Variants in TAS2R1 observed in about 807,000 individuals in gnomAD.
The protein encoded by TAS2R1 is taste receptor type 2 member 1.
For missense variants in TAS2R1, 370 were observed against 353.4 expected, an observed-to-expected ratio of 1.05 and a Z score of -0.38; for synonymous variants, 141 against 134.2, an observed-to-expected ratio of 1.05 and a Z score of -0.35.
At chr5:9,739,043 A>C in the TAS2R1 span, among the ~76,000 whole-genome samples, 62 of 152,310 alleles carry the variant, frequency 4.1e-4, no homozygotes, top group South Asian at 0.012. Flanking sequence ...GTACCTGCCT[A>C]TTTCTAGAAA....
intron 1 of TAS2R1, among the ~76,000 whole-genome samples, chr5:9,680,809 T>A (rs985392537): frequency 6.6e-6 from 1 of 152,120 alleles, no homozygotes; most frequent in Non-Finnish European, 1.5e-5. Context: ...TCTTAGCACT[T>A]TGGGAGGCCA....
At chr5:9,836,269 C>A in the TAS2R1 span, among the ~76,000 whole-genome samples, 6 of 152,054 alleles carry the variant, frequency 3.9e-5, no homozygotes, top group Non-Finnish European at 8.8e-5. Context: ...TATGTCTTTA[C>A]CAGCAGCATG....
At chr5:9,636,861 G>C (rs1455673274) in intron 2 of TAS2R1, among the ~76,000 whole-genome samples, 2 of 152,048 alleles carry the variant, frequency 1.3e-5, no homozygotes, top group Non-Finnish European at 2.9e-5. Context: ...TTAAGTGGTG[G>C]ATTTTTATCC....
chr5:9,858,552 G>A, the TAS2R1 span, among the ~76,000 whole-genome samples: 4 of 152,168 alleles, frequency 2.6e-5, no homozygotes, highest in Non-Finnish European at 5.9e-5. Flanking sequence ...ACATTGATAT[G>A]ATTCCCTCAA....
At chr5:9,759,439 C>T in the TAS2R1 span, among the ~76,000 whole-genome samples, 1 of 152,170 alleles carries the variant, frequency 6.6e-6, no homozygotes, top group Admixed American at 6.5e-5. Flanking sequence ...ACCCAGGGTG[C>T]TTGTACAGTT....
chr5:9,782,408 C>G, the TAS2R1 span, among the ~76,000 whole-genome samples: 1 of 130,912 alleles, frequency 7.6e-6, no homozygotes, highest in African/African-American at 2.9e-5. Flanking sequence ...CCTTCAAAAC[C>G]TGATGCCCTT....
At chr5:9,773,543 C>CTCATTAACA in the TAS2R1 span, among the ~76,000 whole-genome samples, 2 of 152,122 alleles carry the variant, frequency 1.3e-5, no homozygotes, top group African/African-American at 4.8e-5. Context: ...TTTCTTATTG[C>CTCATTAACA]TCATTAACAT....
the TAS2R1 span, among the ~76,000 whole-genome samples, chr5:9,835,655 A>G: frequency 6.6e-6 from 1 of 152,176 alleles, no homozygotes; most frequent in Admixed American, 6.5e-5. Flanking sequence ...ATGCCAAGGA[A>G]GAACACCCAT....
the TAS2R1 span, among the ~76,000 whole-genome samples, chr5:9,846,338 G>A: frequency 2.0e-5 from 3 of 152,088 alleles, no homozygotes; most frequent in Non-Finnish European, 4.4e-5. Flanking sequence ...GGAGGGCGAC[G>A]ACAATGTTTC....
At chr5:9,860,289 G>A in the TAS2R1 span, among the ~76,000 whole-genome samples, 1 of 152,202 alleles carries the variant, frequency 6.6e-6, no homozygotes, top group Non-Finnish European at 1.5e-5. Flanking sequence ...TGACACCAGC[G>A]CATCACAATA....
chr5:9,633,297 TATATA>T (rs1561364934), upstream of TAS2R1, among the ~76,000 whole-genome samples: 37 of 92,584 alleles, frequency 4.0e-4, no homozygotes, highest in African/African-American at 1.3e-3. Flanking sequence ...GTGTATATTA[TATATA>T]TATATATATA....
chr5:9,675,173 AAAG>A (rs1197647673), intron 1 of TAS2R1, among the ~76,000 whole-genome samples: 2 of 150,244 alleles, frequency 1.3e-5, no homozygotes, highest in Non-Finnish European at 3.0e-5. Flanking sequence ...GAAATAAATC[AAAG>A]AAGATCAAAA....
At chr5:9,806,514 C>T in the TAS2R1 span, among the ~76,000 whole-genome samples, 59,922 of 151,892 alleles carry the variant, frequency 0.39, 12,194 homozygotes, top group East Asian at 0.61. Context: ...AGGCCATTGT[C>T]ATCAAAACTG....
intron 1 of TAS2R1, among the ~76,000 whole-genome samples, chr5:9,691,219 C>A (rs1027453226): frequency 2.6e-5 from 4 of 152,180 alleles, no homozygotes; most frequent in Admixed American, 2.0e-4. Flanking sequence ...AGACAGGGAG[C>A]AGAACACAAG....
At chr5:9,637,580 CT>C (rs1366329354) in intron 2 of TAS2R1, among the ~76,000 whole-genome samples, 2 of 152,072 alleles carry the variant, frequency 1.3e-5, no homozygotes, top group African/African-American at 4.8e-5. Flanking sequence ...TAGGTTTGGC[CT>C]TTTAACATAA....
chr5:9,806,068 C>T, the TAS2R1 span, among the ~76,000 whole-genome samples: 18 of 152,038 alleles, frequency 1.2e-4, no homozygotes, highest in African/African-American at 2.9e-4. Flanking sequence ...ACAAAATTAA[C>T]GCACATAAAT....
the TAS2R1 span, among the ~76,000 whole-genome samples, chr5:9,861,456 G>GCC: frequency 2.0e-5 from 3 of 152,182 alleles, no homozygotes; most frequent in African/African-American, 7.2e-5. Context: ...CATATTAGCT[G>GCC]CCCAATAAAT....
the TAS2R1 span, among the ~76,000 whole-genome samples, chr5:9,806,046 A>G: frequency 6.6e-6 from 1 of 152,154 alleles, no homozygotes; most frequent in Non-Finnish European, 1.5e-5. Context: ...GATTTCAGCA[A>G]AGTTGCAAGA....
At chr5:9,745,049 TG>T in the TAS2R1 span, among the ~76,000 whole-genome samples, 3 of 152,186 alleles carry the variant, frequency 2.0e-5, no homozygotes, top group Non-Finnish European at 2.9e-5. Context: ...GGAAACTTAC[TG>T]TGGGTACATT....
Sources: allele counts gnomAD v4.1 joint callset (sites outside exome capture counted in the v4.1 genomes callset), GRCh38; gene constraint gnomAD v4.1.1; transcripts MANE v1.5; gene names NCBI Gene and HGNC (gene_info 2026-07-23, HGNC 2026-07-21).